The following IL15 variants were observed in gnomAD, a reference collection of about 807,000 sequenced individuals.
IL15 encodes the protein interleukin-15.
Under a neutral mutation model 19.6 loss-of-function variants are expected in IL15, and 11 were observed. The observed-to-expected ratio is 0.56, with a 90% CI of 0.35 to 0.93. IL15 has a LOEUF of 0.93. IL15 is among the 40% of genes least tolerant of loss of function. The pLI is 0.01. For missense variants in IL15, 197 were observed against 186.5 expected (o/e 1.06, Z -0.33); for synonymous variants, 58 against 59.6 (o/e 0.97, Z 0.12).
At chr4:141,641,311 T>C (rs977512453) in intron 1 of IL15, among the ~76,000 whole-genome samples, 2 of 152,138 alleles carry the variant, frequency 1.3e-5, no homozygotes, top group African/African-American at 4.8e-5. Flanking sequence ...AAAGGAACCA[T>C]TAATTTTTGA....
chr4:141,722,417 C>T (rs1730120500), intron 5 of IL15, among the ~76,000 whole-genome samples: 2 of 152,070 alleles, frequency 1.3e-5, no homozygotes, highest in Admixed American at 6.6e-5. Context: ...CAGGTAATAC[C>T]AGCTTCAGTG....
chr4:141,643,528 C>T lies in IL15; in HGVS notation c.-222+6780C>T, dbSNP rs113061808. The stretch of plus-strand genomic sequence containing the variant: ...AGTTATTGGGTCCCTTCCTATGTAC[C>T]CTTTCAGCAGGACCTGAGAGTTCTT... On this transcript the variant is annotated intron_variant, in intron 1 of 7. Coordinates refer to ENST00000320650, the MANE Select transcript of IL15 (RefSeq NM_000585.5). Among the ~76,000 whole-genome samples, 795 of 152,268 alleles carry T rather than the reference C, an allele frequency of 5.2e-3. 15 individuals carry two copies. Among genetic ancestry groups the T allele is most frequent in the African/African-American group, 0.019 (770 of 41,562 alleles).
chr4:141,698,345 G>A (rs960992103), intron 2 of IL15, among the ~76,000 whole-genome samples: 3 of 151,980 alleles, frequency 2.0e-5, no homozygotes, highest in African/African-American at 7.2e-5. Context: ...GGTGATACTG[G>A]CGTTATAGAA....
At chr4:141,678,361 C>A (rs999134293) in intron 2 of IL15, among the ~76,000 whole-genome samples, 2 of 152,026 alleles carry the variant, frequency 1.3e-5, no homozygotes, top group Non-Finnish European at 1.5e-5. Flanking sequence ...ATTGCAGTTT[C>A]TTTTGGAAAT....
At chr4:141,642,483 A>T (rs566907914) in intron 1 of IL15, among the ~76,000 whole-genome samples, 1 of 152,284 alleles carries the variant, frequency 6.6e-6, no homozygotes, top group African/African-American at 2.4e-5. Flanking sequence ...CTGGATTACC[A>T]TGGGTTACTG....
intron 2 of IL15, among the ~76,000 whole-genome samples, chr4:141,668,882 G>C (rs978431590): frequency 2.6e-5 from 4 of 152,150 alleles, no homozygotes. Flanking sequence ...TATTCTAAGA[G>C]GAGCCTAACT....
chr4:141,652,369 GA>G (rs1001926681), intron 1 of IL15, among the ~76,000 whole-genome samples: 1 of 152,082 alleles, frequency 6.6e-6, no homozygotes, highest in African/African-American at 2.4e-5. Context: ...AATCTAGGGA[GA>G]AAAAAGCAAC....
At chr4:141,651,199 CATATAT>C (rs768652121) in intron 1 of IL15, among the ~76,000 whole-genome samples, 2 of 151,402 alleles carry the variant, frequency 1.3e-5, no homozygotes, top group Non-Finnish European at 1.5e-5. Flanking sequence ...TATATATATA[CATATAT>C]ATAAACACAT....
chr4:141,653,739 T>A (rs781099501), intron 1 of IL15, among the ~76,000 whole-genome samples: 8 of 152,228 alleles, frequency 5.3e-5, no homozygotes, highest in Non-Finnish European at 1.0e-4. Flanking sequence ...ATTTAGGTTT[T>A]TTCCATTCTT....
intron 2 of IL15, among the ~76,000 whole-genome samples, chr4:141,712,905 TAC>T (rs1729756685): frequency 6.6e-6 from 1 of 151,960 alleles, no homozygotes; most frequent in East Asian, 1.9e-4. Flanking sequence ...TATATTTATA[TAC>T]CTTTGTATGA....
chr4:141,693,016 C>CAAAAAGAAAAAAAAAAA (rs1728968683), intron 2 of IL15, among the ~76,000 whole-genome samples: 1 of 23,232 alleles, frequency 4.3e-5, no homozygotes, highest in Non-Finnish European at 7.7e-5. Context: ...GACTCCGTCT[C>CAAAAAGAAAAAAAAAAA]AAAAAAAAAA....
At chr4:141,701,765 C>CCTCA (rs1049160562) in intron 2 of IL15, among the ~76,000 whole-genome samples, 31 of 152,136 alleles carry the variant, frequency 2.0e-4, no homozygotes, top group African/African-American at 7.2e-4. Context: ...GTGTGAGCTA[C>CCTCA]CTCAGTTCCC....
intron 2 of IL15, among the ~76,000 whole-genome samples, chr4:141,666,747 G>A (rs1350538447): frequency 1.3e-5 from 2 of 151,756 alleles, no homozygotes; most frequent in Non-Finnish European, 2.9e-5. Context: ...TTGTGTCTTG[G>A]AGCTGGCCGT....
At chr4:141,665,618 C>G (rs1727945945) in intron 2 of IL15, among the ~76,000 whole-genome samples, 1 of 152,116 alleles carries the variant, frequency 6.6e-6, no homozygotes, top group African/African-American at 2.4e-5. Context: ...TAGTTTCCAT[C>G]TAGGAATAAA....
At chr4:141,658,871 T>C (rs908194425) in intron 2 of IL15, among the ~76,000 whole-genome samples, 1 of 151,844 alleles carries the variant, frequency 6.6e-6, no homozygotes, top group African/African-American at 2.4e-5. Flanking sequence ...ATTTTTTTTT[T>C]TTTTTTGAGA....
chr4:141,689,896 C>T (rs531109927), intron 2 of IL15, among the ~76,000 whole-genome samples: 10 of 152,300 alleles, frequency 6.6e-5, no homozygotes, highest in Admixed American at 3.9e-4. Context: ...GACTGGGCGC[C>T]GTGGAGCAGG....
At chr4:141,714,878 G>T (rs1729823565) in intron 2 of IL15, 1 of 152,134 alleles carries the variant, frequency 6.6e-6, no homozygotes. Flanking sequence ...GCACTCTGAT[G>T]AGTTGCATAT....
chr4:141,677,283 G>GA lies in IL15; in HGVS notation c.-100+20978dup, dbSNP rs546673877. ...TACTCAATTTGAAGACAATGAGGAT[G>GA]AAGACCTTTATGATGATCCACTTCC... is the stretch of plus-strand genomic sequence containing the variant. On this transcript the variant is annotated intron_variant, in intron 2 of 7. Coordinates refer to ENST00000320650, the MANE Select transcript of IL15 (RefSeq NM_000585.5). Among the ~76,000 whole-genome samples, 412 of 152,226 alleles carry GA rather than the reference G, an allele frequency of 2.7e-3. 3 individuals are homozygous for GA. The highest frequency in any genetic ancestry group is 9.5e-3 in the African/African-American group (393 of 41,524).
At chr4:141,685,143 A>G (rs1471842586) in intron 2 of IL15, among the ~76,000 whole-genome samples, 1 of 152,190 alleles carries the variant, frequency 6.6e-6, no homozygotes, top group Non-Finnish European at 1.5e-5. Flanking sequence ...TACATAGACA[A>G]TCACTTAATA....
Sources: allele counts gnomAD v4.1 joint callset (sites outside exome capture counted in the v4.1 genomes callset), GRCh38; gene constraint gnomAD v4.1.1; transcripts MANE v1.5; gene names NCBI Gene and HGNC (gene_info 2026-07-23, HGNC 2026-07-21).